NACC2: variants seen among roughly 807,000 people sequenced by gnomAD.
The protein encoded by NACC2 is NACC family member 2.
A neutral mutation model predicts 25.1 loss-of-function variants in NACC2; 8 were observed. That is an observed-to-expected ratio of 0.32 (90% CI 0.19 to 0.57). The LOEUF (loss-of-function observed/expected upper bound fraction) is 0.57, where lower values mean the gene tolerates loss of function less well. Ranked by LOEUF, NACC2 falls within the 20% of genes least tolerant of loss-of-function variation. The pLI, the probability that NACC2 is intolerant of heterozygous loss-of-function variation, is 0.89. For synonymous variants in NACC2, 435 were observed against 294.7 expected (o/e 1.48, Z -4.88); for missense variants, 644 against 650.2 (o/e 0.99, Z 0.10).
intron 3 of NACC2, 81 bp from the exon 4 acceptor site, chr9:136,014,050 A>AG (rs1193683113): frequency 5.5e-5 from 7 of 126,604 alleles, no homozygotes; most frequent in Admixed American, 1.1e-4. Context: ...GGTGAGGGGG[A>AG]GGGGGGGAGG....
intron 2 of NACC2, among the ~76,000 whole-genome samples, chr9:136,017,072 G>C (rs111780094): frequency 1.1e-4 from 17 of 152,220 alleles, no homozygotes; most frequent in Admixed American, 3.9e-4. Flanking sequence ...CTGGCCTGAC[G>C]AGGAGCAACT....
At chr9:136,073,301 G>A (rs973661883) in intron 1 of NACC2, among the ~76,000 whole-genome samples, 4 of 151,924 alleles carry the variant, frequency 2.6e-5, no homozygotes, top group South Asian at 2.1e-4. Flanking sequence ...ATGGTGGAGC[G>A]CACCTGTGGT....
chr9:136,013,172 C>G lies in NACC2; in HGVS notation c.1255+27G>C. 1 of 1,254,136 alleles carries G rather than the reference C, an allele frequency of 8.0e-7. No individual in the cohort carries two copies. Among genetic ancestry groups the G allele is most frequent in the Non-Finnish European group, 1.2e-6 (1 of 858,954 alleles). The allele number at this position is 1,254,136 out of a possible 1,614,324, so 77.7% of individuals were successfully genotyped here. ...GATCTGAACCCAGCCCCGGCCCCAC[C>G]CACCCGAGAGACCCCCAGGCTCTTA... On this transcript the variant is annotated intron_variant, in intron 5 of 5. Transcript: ENST00000277554. The surrounding 1 kb of genome is among the most constrained non-coding windows in gnomAD (Gnocchi z 6.6).
At chr9:136,024,689 T>C (rs1204191093) in intron 2 of NACC2, among the ~76,000 whole-genome samples, 2 of 152,182 alleles carry the variant, frequency 1.3e-5, no homozygotes, top group African/African-American at 4.8e-5. Context: ...AAAATAAATA[T>C]ATTTAACTTT....
chr9:136,030,416 C>G (rs764384359), intron 2 of NACC2, among the ~76,000 whole-genome samples: 1 of 151,786 alleles, frequency 6.6e-6, no homozygotes, highest in Non-Finnish European at 1.5e-5. Context: ...GAGACCATCC[C>G]GGTGAACACA....
chr9:136,087,550 G>A (rs374676439), intron 1 of NACC2, among the ~76,000 whole-genome samples: 44 of 152,214 alleles, frequency 2.9e-4, no homozygotes, highest in African/African-American at 1.0e-3. Flanking sequence ...GAAGGGCCCC[G>A]CAGCTTCTGG....
At chr9:136,083,692 G>A (rs76429456) in intron 1 of NACC2, among the ~76,000 whole-genome samples, 4,903 of 152,320 alleles carry the variant, frequency 0.032, 119 homozygotes, top group Admixed American at 0.055. Context: ...CGGGGGCCCC[G>A]AGACACTGTG....
intron 1 of NACC2, among the ~76,000 whole-genome samples, chr9:136,065,367 C>T (rs1445508560): frequency 6.6e-6 from 1 of 152,136 alleles, no homozygotes; most frequent in Non-Finnish European, 1.5e-5. Context: ...CACCTATAAT[C>T]CCAGCACTTT....
At chr9:136,057,162 G>A (rs1840937898) in intron 1 of NACC2, among the ~76,000 whole-genome samples, 1 of 152,228 alleles carries the variant, frequency 6.6e-6, no homozygotes, top group Admixed American at 6.5e-5. Flanking sequence ...GTCTGGTCCA[G>A]GGGCCTGTGT....
chr9:136,092,164 A>G (rs1830440107), intron 1 of NACC2, among the ~76,000 whole-genome samples: 1 of 152,160 alleles, frequency 6.6e-6, no homozygotes, highest in African/African-American at 2.4e-5. Flanking sequence ...CCGACTGCCC[A>G]CCTCTGGGAG....
chr9:136,088,988 G>A (rs973715280), intron 1 of NACC2, among the ~76,000 whole-genome samples: 5 of 152,206 alleles, frequency 3.3e-5, no homozygotes, highest in Admixed American at 6.5e-5. Context: ...CGGCTGAGGC[G>A]GCTGTTACAA....
rs1043421271 is a variant in NACC2 at position 136,006,809 on chromosome 9, T to A, written c.*4707A>T. The A allele has an allele frequency of 6.7e-6, 1 of 150,262 alleles. No homozygotes were observed. Among genetic ancestry groups the A allele is most frequent in the Non-Finnish European group, 1.5e-5 (1 of 67,638 alleles). The allele number at this position is 150,262 out of a possible 1,614,324, so 9.3% of individuals were successfully genotyped here. A position where few individuals can be genotyped will look rare whatever the true frequency, so the allele number is the denominator to read the frequency against. The stretch of plus-strand genomic sequence containing the variant: ...TCAGGAAAACAAAACAAAGGCTTCC[T>A]CCTTAAAAAAAAGACAAAAAAAAAA... On this transcript the variant is annotated 3_prime_UTR_variant, in exon 6 of 6. Transcript: ENST00000277554.
At chr9:136,032,844 C>T (rs1427432500) in intron 2 of NACC2, among the ~76,000 whole-genome samples, 1 of 151,974 alleles carries the variant, frequency 6.6e-6, no homozygotes, top group Admixed American at 6.6e-5. Flanking sequence ...GGTGAAACCC[C>T]GTCTCTATTA....
At chr9:136,061,716 A>C (rs578021156) in intron 1 of NACC2, among the ~76,000 whole-genome samples, 4 of 152,278 alleles carry the variant, frequency 2.6e-5, no homozygotes, top group Admixed American at 2.6e-4. Context: ...TAGCAGGCTC[A>C]GGAACCAGCG....
chr9:136,079,846 A>G (rs975800777), intron 1 of NACC2, among the ~76,000 whole-genome samples: 1 of 152,204 alleles, frequency 6.6e-6, no homozygotes, highest in Non-Finnish European at 1.5e-5. Flanking sequence ...TCAACTTTCC[A>G]GGACCCCAAG....
Position 136,013,448 on chromosome 9 carries a change from C to T in NACC2, c.1158-152G>A, listed in dbSNP as rs1840145312. On this transcript the variant is annotated intron_variant, in intron 4 of 5. Coordinates refer to ENST00000277554, the MANE Select transcript of NACC2 (RefSeq NM_144653.5). This position sits in a 1 kb window ranked among gnomAD's most constrained non-coding sequence, Gnocchi z 6.6. ...CCAGTGGCAGGAGCCGGCCCAGCCA[C>T]CCTCTAAGGGACAGGACAAAGGAAA... 6 of 649,242 alleles carry T rather than the reference C, an allele frequency of 9.2e-6. No homozygotes were observed. The highest frequency in any genetic ancestry group is 4.2e-4 in the Middle Eastern group (1 of 2,394). 40.2% of individuals were successfully genotyped at this position (649,242 alleles called of 1,614,324 possible).
At chr9:136,052,428 C>T (rs1840859228) in intron 1 of NACC2, among the ~76,000 whole-genome samples, 1 of 126,304 alleles carries the variant, frequency 7.9e-6, no homozygotes, top group African/African-American at 3.1e-5. Context: ...GGGGAATGGG[C>T]AGAGGCGCCA....
intron 1 of NACC2, among the ~76,000 whole-genome samples, chr9:136,091,183 A>G (rs1049053431): frequency 6.6e-6 from 1 of 152,128 alleles, no homozygotes; most frequent in Non-Finnish European, 1.5e-5. Flanking sequence ...CTTACATGGG[A>G]TTCAGTGGCT....
intron 1 of NACC2, among the ~76,000 whole-genome samples, chr9:136,054,355 G>A (rs1377314293): frequency 6.6e-6 from 1 of 152,230 alleles, no homozygotes; most frequent in Non-Finnish European, 1.5e-5. Context: ...AGCTTTTGCT[G>A]GCTTGTCCTC....
Sources: allele counts gnomAD v4.1 joint callset (sites outside exome capture counted in the v4.1 genomes callset), GRCh38; gene constraint gnomAD v4.1.1; non-coding constraint Gnocchi (gnomAD v3.1); transcripts MANE v1.5; gene names NCBI Gene and HGNC (gene_info 2026-07-23, HGNC 2026-07-21).